CNNM2: variants seen among roughly 807,000 people sequenced by gnomAD.
CNNM2 encodes the protein cyclin and CBS domain divalent metal cation transport mediator 2, also known as metal transporter CNNM2.
In CNNM2, 12 loss-of-function variants were observed where a neutral mutation model predicts 66.9. That is an observed-to-expected ratio of 0.18 (90% confidence interval 0.11 to 0.29). The LOEUF (loss-of-function observed/expected upper bound fraction) is 0.29, where lower values mean the gene tolerates loss of function less well. Ranked by LOEUF, CNNM2 falls within the 10% of genes least tolerant of loss-of-function variation. The pLI, the probability that CNNM2 is intolerant of heterozygous loss-of-function variation, is 1.00. For synonymous variants in CNNM2, 557 were observed against 501.8 expected (o/e 1.11, Z -1.47); for missense variants, 705 against 1,167.7 (o/e 0.60, Z 5.77).
intron 1 of CNNM2, among the ~76,000 whole-genome samples, chr10:102,973,514 G>A (rs1218999408): frequency 2.8e-5 from 4 of 145,210 alleles, no homozygotes; most frequent in African/African-American, 1.1e-4. Context: ...GTGTGTGTGT[G>A]TGTGTTTTTT....
chr10:102,992,057 T>A (rs2063908289), intron 1 of CNNM2, among the ~76,000 whole-genome samples: 1 of 152,172 alleles, frequency 6.6e-6, no homozygotes, highest in African/African-American at 2.4e-5. Flanking sequence ...ATGTACATGC[T>A]GATGTATTAA....
At chr10:103,002,860 TA>T (rs1441762098) in intron 1 of CNNM2, among the ~76,000 whole-genome samples, 1 of 152,194 alleles carries the variant, frequency 6.6e-6, no homozygotes, top group Non-Finnish European at 1.5e-5. Flanking sequence ...CTCCAAATGC[TA>T]AACATAGATT....
intron 1 of CNNM2, among the ~76,000 whole-genome samples, chr10:102,922,192 A>G (rs956826847): frequency 6.6e-6 from 1 of 152,250 alleles, no homozygotes; most frequent in African/African-American, 2.4e-5. Flanking sequence ...CATTCAAGCT[A>G]GTGGCATATT....
At chr10:102,928,069 T>C (rs1204010921) in intron 1 of CNNM2, among the ~76,000 whole-genome samples, 2 of 152,260 alleles carry the variant, frequency 1.3e-5, no homozygotes, top group African/African-American at 4.8e-5. Context: ...CTTATCCTCT[T>C]TAACCCTAAG....
chr10:103,022,710 C>G (rs1467766085), intron 1 of CNNM2, among the ~76,000 whole-genome samples: 1 of 152,088 alleles, frequency 6.6e-6, no homozygotes, highest in East Asian at 1.9e-4. Flanking sequence ...AAAGGAGTAC[C>G]TGAGACTGGG....
chr10:102,994,001 A>T (rs1460218904), intron 1 of CNNM2, among the ~76,000 whole-genome samples: 1 of 152,090 alleles, frequency 6.6e-6, no homozygotes, highest in Non-Finnish European at 1.5e-5. Flanking sequence ...CAGTGGTATC[A>T]TCTTGGTTCA....
chr10:102,998,266 G>A (rs2064041818), intron 1 of CNNM2, among the ~76,000 whole-genome samples: 1 of 152,178 alleles, frequency 6.6e-6, no homozygotes, highest in Non-Finnish European at 1.5e-5. Context: ...ATCTACAGCA[G>A]GGAAGCCCCT....
At position 102,918,405 on chromosome 10, in the gene CNNM2, G is replaced by A. The variant is rs1480742318; in HGVS notation, c.-76G>A. ...CACTGGCCGCGGACGCTCCGTTGCA[G>A]TCTCGCCCAGGGGCCGGTACCTGCG... On this transcript the variant is annotated 5_prime_UTR_variant, in exon 1 of 8. Coordinates refer to ENST00000369878, the MANE Select transcript of CNNM2 (RefSeq NM_017649.5). This position sits in a 1 kb window ranked among gnomAD's most constrained non-coding sequence, Gnocchi z 4.1. The A allele has an allele frequency of 6.5e-7, 1 of 1,546,090 alleles. No homozygotes were observed. Among genetic ancestry groups the A allele is most frequent in the Admixed American group, 2.0e-5 (1 of 51,256 alleles).
intron 1 of CNNM2, among the ~76,000 whole-genome samples, chr10:102,965,938 AT>A (rs2063457466): frequency 6.6e-6 from 1 of 152,140 alleles, no homozygotes; most frequent in South Asian, 2.1e-4. Context: ...GAAAAAAAAA[AT>A]AGGGTCTTTG....
chr10:102,967,765 T>C (rs1056249871), intron 1 of CNNM2, among the ~76,000 whole-genome samples: 5 of 152,166 alleles, frequency 3.3e-5, no homozygotes, highest in African/African-American at 9.7e-5. Flanking sequence ...TCCCAGCACT[T>C]TGGGGGGCCG....
rs1015525977 is a variant in CNNM2 at position 103,048,480 on chromosome 10, C to T, written c.1622-1227C>T. Among the ~76,000 whole-genome samples the T allele has an allele frequency of 7.0e-4, 106 of 151,490 alleles. 1 individual carries two copies. The highest frequency in any genetic ancestry group is 6.5e-3 in the Admixed American group (99 of 15,252). On this transcript the variant is annotated intron_variant, in intron 1 of 7. Transcript: ENST00000369878. ...ATCTACCTGCCTCAGCCTCCCAAAA[C>T]GCTGGGATTACAGGCGTGAGCCACC...
At chr10:102,974,852 G>T (rs1196868515) in intron 1 of CNNM2, among the ~76,000 whole-genome samples, 4 of 152,130 alleles carry the variant, frequency 2.6e-5, no homozygotes, top group African/African-American at 9.7e-5. Context: ...ATTTTATTCT[G>T]TATTGGGGTG....
At chr10:103,033,336 C>T (rs1318623601) in intron 1 of CNNM2, among the ~76,000 whole-genome samples, 2 of 151,812 alleles carry the variant, frequency 1.3e-5, no homozygotes, top group Non-Finnish European at 2.9e-5. Context: ...CTACAGGCGC[C>T]CACCACCAGG....
chr10:103,032,995 G>A (rs1328021120), intron 1 of CNNM2, among the ~76,000 whole-genome samples: 1 of 151,240 alleles, frequency 6.6e-6, no homozygotes, highest in Admixed American at 6.6e-5. Context: ...ACCCATGCCT[G>A]TAATCCCAGC....
intron 1 of CNNM2, among the ~76,000 whole-genome samples, chr10:102,992,985 A>G (rs2063925146): frequency 6.6e-6 from 1 of 152,174 alleles, no homozygotes. Context: ...TAGCACCATC[A>G]CTTTTTTCAA....
intron 1 of CNNM2, among the ~76,000 whole-genome samples, chr10:102,941,079 A>G (rs1846415326): frequency 6.6e-6 from 1 of 152,032 alleles, no homozygotes; most frequent in Non-Finnish European, 1.5e-5. Flanking sequence ...CTAGAAATAC[A>G]TTTTAAATTA....
chr10:103,014,639 T>C (rs1036844998), intron 1 of CNNM2, among the ~76,000 whole-genome samples: 4 of 152,164 alleles, frequency 2.6e-5, no homozygotes, highest in African/African-American at 9.7e-5. Flanking sequence ...ACTGAAAAAT[T>C]TAGTTGGGTG....
At position 103,089,045 on chromosome 10, in the gene CNNM2, CTG is replaced by C. The variant is rs1392193681; in HGVS notation, c.*11867_*11868del. On this transcript the variant is annotated 3_prime_UTR_variant, in exon 8 of 8. Coordinates refer to ENST00000369878, the MANE Select transcript of CNNM2 (RefSeq NM_017649.5). ...AAACAAACAAAAGGTAATAAGGATA[CTG>C]TCTTTTCCCTCAAAATAGAATCCTG... 1 of 217,322 alleles carries C rather than the reference CTG, an allele frequency of 4.6e-6. No individual in the cohort carries two copies. Among genetic ancestry groups the C allele is most frequent in the Admixed American group, 5.8e-5 (1 of 17,240 alleles). The allele number at this position is 217,322 out of a possible 1,614,324, so 13.5% of individuals were successfully genotyped here.
At chr10:102,988,386 T>G (rs1187862936) in intron 1 of CNNM2, among the ~76,000 whole-genome samples, 2 of 152,064 alleles carry the variant, frequency 1.3e-5, no homozygotes, top group Admixed American at 1.3e-4. Flanking sequence ...TGTTAATACG[T>G]TTTAGACTGA....
Sources: allele counts gnomAD v4.1 joint callset (sites outside exome capture counted in the v4.1 genomes callset), GRCh38; gene constraint gnomAD v4.1.1; non-coding constraint Gnocchi (gnomAD v3.1); transcripts MANE v1.5; gene names NCBI Gene and HGNC (gene_info 2026-07-23, HGNC 2026-07-21).